The following TBC1D19 variants were observed in gnomAD, a reference collection of about 807,000 sequenced individuals.
TBC1D19 encodes the protein TBC1 domain family member 19, also known as TBC1 domain family, member 19.
A neutral mutation model predicts 89.0 loss-of-function variants in TBC1D19; 60 were observed. That is an observed-to-expected ratio of 0.67 (90% CI 0.55 to 0.84). The LOEUF (loss-of-function observed/expected upper bound fraction) is 0.84. Among genes scored for constraint, TBC1D19 ranks in the 40% least tolerant of loss-of-function variants. TBC1D19 has a pLI of 0.00. For missense variants in TBC1D19, 500 were observed against 610.8 expected, an observed-to-expected ratio of 0.82 and a Z score of 1.91; for synonymous variants, 189 against 199.7, an observed-to-expected ratio of 0.95 and a Z score of 0.45.
chr4:26,682,893 C>T (rs1713478653), intron 11 of TBC1D19, among the ~76,000 whole-genome samples: 2 of 151,940 alleles, frequency 1.3e-5, no homozygotes, highest in Non-Finnish European at 2.9e-5. Flanking sequence ...CTAATCTCAT[C>T]GTTGTGCAGT....
chr4:26,776,911 C>G, the TBC1D19 span, among the ~76,000 whole-genome samples: 2 of 151,874 alleles, frequency 1.3e-5, no homozygotes, highest in Non-Finnish European at 1.5e-5. Flanking sequence ...TAATATATAT[C>G]TTTCTGTTTG....
the TBC1D19 span, among the ~76,000 whole-genome samples, chr4:26,841,587 G>A: frequency 6.6e-6 from 1 of 152,142 alleles, no homozygotes; most frequent in South Asian, 2.1e-4. Flanking sequence ...GTGCATGCGA[G>A]CTGGTGAGAG....
At chr4:26,673,446 T>TATATATATATACATACACACACAC (rs373807642) in intron 10 of TBC1D19, among the ~76,000 whole-genome samples, 1 of 90,884 alleles carries the variant, frequency 1.1e-5, no homozygotes, top group South Asian at 4.5e-4. Flanking sequence ...TATATATATA[T>TATATATATATACATACACACACAC]ACACACACAC....
At chr4:26,837,964 A>C in the TBC1D19 span, among the ~76,000 whole-genome samples, 162 of 152,318 alleles carry the variant, frequency 1.1e-3, no homozygotes, top group African/African-American at 3.7e-3. Flanking sequence ...GCAAGGTGTT[A>C]AGGAGAATAA....
chr4:26,678,642 A>G (rs78559730), intron 11 of TBC1D19, among the ~76,000 whole-genome samples: 2,949 of 152,162 alleles, frequency 0.019, 103 homozygotes, highest in African/African-American at 0.067. Flanking sequence ...AAACAATCAG[A>G]TATGCATTTG....
At chr4:26,614,347 T>C (rs1560418351) in intron 2 of TBC1D19, 61 bp from the exon 3 acceptor site, 1 of 1,171,818 alleles carries the variant, frequency 8.5e-7, no homozygotes, top group Non-Finnish European at 1.2e-6. Flanking sequence ...AATTTAATTG[T>C]AATGTATGTT....
chr4:26,720,232 T>A, intron 15 of TBC1D19, 107 bp downstream of exon 15: 1 of 807,584 alleles, frequency 1.2e-6, no homozygotes, highest in Non-Finnish European at 1.9e-6. Context: ...ATTTATTATC[T>A]AAAATAAACC....
chr4:26,855,368 C>T, the TBC1D19 span, among the ~76,000 whole-genome samples: 1 of 152,154 alleles, frequency 6.6e-6, no homozygotes, highest in Non-Finnish European at 1.5e-5. Context: ...AAAACGAGCT[C>T]TTGTTTTTCA....
chr4:26,709,924 C>T (rs1280662364), intron 13 of TBC1D19, among the ~76,000 whole-genome samples: 1 of 151,926 alleles, frequency 6.6e-6, no homozygotes, highest in Non-Finnish European at 1.5e-5. Context: ...GCTTAGATCC[C>T]AAGCCCATAC....
chr4:26,659,455 A>G, intron 7 of TBC1D19, 142 bp from the exon 8 acceptor site: 3 of 488,492 alleles, frequency 6.1e-6, no homozygotes, highest in Admixed American at 3.3e-5. Flanking sequence ...CTTTTATACT[A>G]TTTTAGAATG....
the TBC1D19 span, among the ~76,000 whole-genome samples, chr4:26,818,625 A>G: frequency 1.3e-5 from 2 of 152,202 alleles, no homozygotes; most frequent in Admixed American, 6.5e-5. Context: ...CTTTACTCGT[A>G]TTCCCCAAAT....
chr4:26,683,544 A>C (rs942856942), intron 11 of TBC1D19, 131 bp from the exon 12 acceptor site: 1 of 596,644 alleles, frequency 1.7e-6, no homozygotes. Context: ...GTCAGGCATG[A>C]GGGTTATAGT....
chr4:26,729,615 A>C (rs888071408), intron 15 of TBC1D19, among the ~76,000 whole-genome samples: 4 of 152,202 alleles, frequency 2.6e-5, no homozygotes, highest in African/African-American at 9.6e-5. Context: ...GTTCAGAGCT[A>C]TCAAACTGTA....
chr4:26,699,618 G>A (rs1468050085), intron 13 of TBC1D19, among the ~76,000 whole-genome samples: 7 of 152,044 alleles, frequency 4.6e-5, no homozygotes, highest in Non-Finnish European at 1.0e-4. Context: ...CAACCCAAAT[G>A]TCCAACAATT....
intron 18 of TBC1D19, among the ~76,000 whole-genome samples, chr4:26,744,976 A>G (rs1176757393): frequency 6.6e-6 from 1 of 152,192 alleles, no homozygotes; most frequent in Non-Finnish European, 1.5e-5. Context: ...AGCTCTAATT[A>G]TAATTGTGGA....
At chr4:26,609,341 G>A (rs989917198) in intron 1 of TBC1D19, among the ~76,000 whole-genome samples, 1 of 152,134 alleles carries the variant, frequency 6.6e-6, no homozygotes, top group African/African-American at 2.4e-5. Context: ...AGTCTAGTCA[G>A]AAAGATAAAT....
At chr4:26,818,747 G>A in the TBC1D19 span, among the ~76,000 whole-genome samples, 1 of 152,108 alleles carries the variant, frequency 6.6e-6, no homozygotes, top group South Asian at 2.1e-4. Context: ...CAGTTTGTCT[G>A]GGACTTTCCT....
chr4:26,652,149 A>T (rs1744436874), intron 7 of TBC1D19, among the ~76,000 whole-genome samples: 3 of 151,690 alleles, frequency 2.0e-5, no homozygotes, highest in African/African-American at 7.3e-5. Context: ...ATTGATGTTG[A>T]TCAGGGATAT....
intron 5 of TBC1D19, 51 bp from the exon 6 acceptor site, chr4:26,638,720 G>A (rs750010639): frequency 1.4e-6 from 2 of 1,410,102 alleles, no homozygotes; most frequent in African/African-American, 1.4e-5. Context: ...TAGTTGTATT[G>A]CTAGACTTCA....
Sources: allele counts gnomAD v4.1 joint callset (sites outside exome capture counted in the v4.1 genomes callset), GRCh38; gene constraint gnomAD v4.1.1; transcripts MANE v1.5; gene names NCBI Gene and HGNC (gene_info 2026-07-23, HGNC 2026-07-21).